The following KCNH5 variants were observed in gnomAD, a reference collection of about 807,000 sequenced individuals.
KCNH5 encodes the protein potassium voltage-gated channel subfamily H member 5, also known as voltage-gated delayed rectifier potassium channel KCNH5.
KCNH5 carries 46 observed loss-of-function variants against 96.1 expected under a neutral mutation model. The ratio of observed to expected loss-of-function variants is 0.48; its 90% confidence interval spans 0.38 to 0.61. The LOEUF is 0.61. Among genes scored for constraint, KCNH5 ranks in the 20% least tolerant of loss-of-function variants. KCNH5 has a pLI of 0.00. For synonymous variants in KCNH5, 439 were observed against 449.8 expected (o/e 0.98, Z 0.30); for missense variants, 907 against 1,225.8 (o/e 0.74, Z 3.88).
At chr14:62,805,836 T>C (rs1886755674) in intron 8 of KCNH5, among the ~76,000 whole-genome samples, 1 of 152,156 alleles carries the variant, frequency 6.6e-6, no homozygotes, top group African/African-American at 2.4e-5. Context: ...TAAATTAGAC[T>C]CGTTAAGATG....
chr14:62,958,699 A>G (rs895225449), intron 6 of KCNH5, among the ~76,000 whole-genome samples: 8 of 152,182 alleles, frequency 5.3e-5, no homozygotes, highest in African/African-American at 1.9e-4. Flanking sequence ...CTGTCTCTTC[A>G]TTATGCCCAC....
chr14:62,825,283 C>T (rs549277966), intron 8 of KCNH5, among the ~76,000 whole-genome samples: 81 of 152,168 alleles, frequency 5.3e-4, no homozygotes, highest in Middle Eastern at 3.4e-3. Flanking sequence ...TCTACGAAGC[C>T]TTGCCAGCAT....
chr14:62,922,305 T>G (rs774445410), intron 7 of KCNH5, among the ~76,000 whole-genome samples: 1 of 152,072 alleles, frequency 6.6e-6, no homozygotes, highest in Non-Finnish European at 1.5e-5. Flanking sequence ...CACAAAGATA[T>G]GTCAAGGAAC....
intron 10 of KCNH5, among the ~76,000 whole-genome samples, chr14:62,771,514 A>C: frequency 6.6e-6 from 1 of 152,032 alleles, no homozygotes; most frequent in South Asian, 2.1e-4. Context: ...AGTCCCAGCT[A>C]CTCGGGAGGC....
chr14:62,707,419 G>T lies in KCNH5; in HGVS notation c.*89C>A. The T allele has an allele frequency of 1.6e-6, 1 of 626,230 alleles. No individual in the cohort carries two copies. Among genetic ancestry groups the T allele is most frequent in the Non-Finnish European group, 2.3e-6 (1 of 427,332 alleles). 38.8% of individuals were successfully genotyped at this position (626,230 alleles called of 1,614,324 possible). On this transcript the variant is annotated 3_prime_UTR_variant, in exon 11 of 11. Coordinates refer to ENST00000322893, the MANE Select transcript of KCNH5 (RefSeq NM_139318.5). ...TCCATGTGTGGTCATCATCTTGAAAGCAAGTGAAAATATATATATGTATAT... is the reference window on the plus strand; with the variant it reads ...TCCATGTGTGGTCATCATCTTGAAATCAAGTGAAAATATATATATGTATAT...
Position 63,007,853 on chromosome 14 carries a change from G to C in KCNH5, c.198-1381C>G, listed in dbSNP as rs955859831. Among the ~76,000 whole-genome samples, 4 of 152,108 alleles carry C rather than the reference G, an allele frequency of 2.6e-5. No homozygotes were observed. The East Asian group carries it at 5.8e-4, about 22-fold the overall frequency. On this transcript the variant is annotated intron_variant, in intron 2 of 10. Transcript: ENST00000322893. ...ACATACAAAACATAGATTAAGGAGT[G>C]AATGTCCATATTCCACAAAAACTTT...
At chr14:62,901,332 G>T (rs1480608002) in intron 7 of KCNH5, among the ~76,000 whole-genome samples, 1 of 151,938 alleles carries the variant, frequency 6.6e-6, no homozygotes, top group Non-Finnish European at 1.5e-5. Context: ...CCATCACCCA[G>T]ATACCGAGGA....
At chr14:62,783,579 T>C (rs891171630) in intron 9 of KCNH5, among the ~76,000 whole-genome samples, 1 of 152,208 alleles carries the variant, frequency 6.6e-6, no homozygotes, top group African/African-American at 2.4e-5. Flanking sequence ...TGTTTTCATA[T>C]ATGGTACACT....
At chr14:62,986,315 C>T (rs748126384) in intron 5 of KCNH5, among the ~76,000 whole-genome samples, 3 of 152,112 alleles carry the variant, frequency 2.0e-5, no homozygotes, top group Non-Finnish European at 2.9e-5. Flanking sequence ...GACCCACCTC[C>T]CTTTGAGAGG....
chr14:62,959,536 T>C (rs1890166856), intron 6 of KCNH5, among the ~76,000 whole-genome samples: 1 of 152,052 alleles, frequency 6.6e-6, no homozygotes, highest in Non-Finnish European at 1.5e-5. Context: ...AATCTACACA[T>C]TTCCCTCTCC....
At chr14:62,726,132 G>A (rs184224912) in intron 10 of KCNH5, among the ~76,000 whole-genome samples, 6 of 151,994 alleles carry the variant, frequency 3.9e-5, no homozygotes, top group Non-Finnish European at 5.9e-5. Flanking sequence ...ACCTCACACC[G>A]TATAACTAAA....
intron 8 of KCNH5, among the ~76,000 whole-genome samples, chr14:62,805,425 A>C (rs937868712): frequency 1.3e-5 from 2 of 152,200 alleles, no homozygotes; most frequent in African/African-American, 4.8e-5. Context: ...TGACAAGGTA[A>C]AACTAAATGC....
At chr14:62,713,952 T>C (rs1884628609) in intron 10 of KCNH5, among the ~76,000 whole-genome samples, 1 of 152,114 alleles carries the variant, frequency 6.6e-6, no homozygotes, top group Non-Finnish European at 1.5e-5. Context: ...CCATTATGAG[T>C]ATTCTCAAAT....
chr14:63,029,366 G>A (rs1891584029), intron 1 of KCNH5, among the ~76,000 whole-genome samples: 1 of 152,132 alleles, frequency 6.6e-6, no homozygotes, highest in Admixed American at 6.6e-5. Context: ...ACAAACTGGT[G>A]ACAGTAATAC....
At chr14:62,759,770 C>G (rs1054508181) in intron 10 of KCNH5, among the ~76,000 whole-genome samples, 11 of 152,230 alleles carry the variant, frequency 7.2e-5, no homozygotes, top group Admixed American at 5.9e-4. Flanking sequence ...TAGAATGACT[C>G]AGGAACCCAA....
At chr14:62,755,664 C>T (rs533107503) in intron 10 of KCNH5, among the ~76,000 whole-genome samples, 21 of 152,248 alleles carry the variant, frequency 1.4e-4, no homozygotes, top group Admixed American at 3.9e-4. Context: ...AGCGAGCAAA[C>T]TACAGGACAG....
At chr14:62,791,441 T>C (rs243152) in intron 9 of KCNH5, among the ~76,000 whole-genome samples, 148,551 of 151,636 alleles carry the variant, frequency 0.98, 72,826 homozygotes, top group East Asian at 1. Context: ...TACCCTTAAA[T>C]GTAAATGGAT....
chr14:62,785,499 T>C (rs1886302599), intron 9 of KCNH5, among the ~76,000 whole-genome samples: 1 of 152,194 alleles, frequency 6.6e-6, no homozygotes, highest in South Asian at 2.1e-4. Context: ...TGGGTACAAG[T>C]AGTCTCTGCT....
chr14:62,843,557 G>A (rs557931066), intron 8 of KCNH5, among the ~76,000 whole-genome samples: 50 of 151,682 alleles, frequency 3.3e-4, no homozygotes, highest in African/African-American at 9.9e-4. Context: ...GACTACAGGC[G>A]TGCACCACCA....
Sources: gnomAD v4.1 joint callset for allele counts (sites outside exome capture counted in the v4.1 genomes callset) on GRCh38, gnomAD v4.1.1 for gene constraint, MANE v1.5 for transcripts, NCBI Gene and HGNC (gene_info 2026-07-23, HGNC 2026-07-21) for gene names.